CNOT10: variants seen among roughly 807,000 people sequenced by gnomAD.
The protein encoded by CNOT10 is CCR4-NOT transcription complex, subunit 10.
In CNOT10, 30 loss-of-function variants were observed where a neutral mutation model predicts 94.6. The ratio of observed to expected loss-of-function variants is 0.32; its 90% CI spans 0.24 to 0.43. The LOEUF is 0.43. Among genes scored for constraint, CNOT10 ranks in the 20% least tolerant of loss-of-function variants. CNOT10 has a pLI of 1.00. For missense variants in CNOT10, 759 were observed against 877.2 expected, an observed-to-expected ratio of 0.87 and a Z score of 1.70; for synonymous variants, 289 against 301.6, an observed-to-expected ratio of 0.96 and a Z score of 0.43.
intron 9 of CNOT10, among the ~76,000 whole-genome samples, chr3:32,726,564 C>A (rs916051065): frequency 2.0e-5 from 3 of 151,674 alleles, no homozygotes; most frequent in South Asian, 2.1e-4. Context: ...AGCATGGTGG[C>A]AGGCGCCTGT....
Position 32,733,457 on chromosome 3 carries a change from A to G in CNOT10, c.1250A>G (p.Lys417Arg). The G allele has an allele frequency of 1.2e-6, 2 of 1,600,106 alleles. No homozygotes were observed. The highest frequency in any genetic ancestry group is 1.7e-6 in the Non-Finnish European group (2 of 1,171,720). ...CAAGAAACTAAAGGCCTTCCCAGCAAAAAAGGAATTGTACAGTCTATTGTT... is the reference window on the plus strand; with the variant it reads ...CAAGAAACTAAAGGCCTTCCCAGCAGAAAAGGAATTGTACAGTCTATTGTT... Reference protein sequence around the residue: ...SEQETKGLPSKKGIVQSIVGQ... With the variant: ...SEQETKGLPSRKGIVQSIVGQ... Residue 417 changes from lysine to arginine, a missense_variant, in exon 11 of 19, where the codon AAA (lysine) becomes AGA (arginine). Coordinates refer to ENST00000328834, the MANE Select transcript of CNOT10 (RefSeq NM_015442.3).
At chr3:32,742,054 C>G (rs1699494548) in intron 13 of CNOT10, among the ~76,000 whole-genome samples, 1 of 151,382 alleles carries the variant, frequency 6.6e-6, no homozygotes, top group Non-Finnish European at 1.5e-5. Flanking sequence ...CTCCTGGGTT[C>G]AAGCAGTTCT....
At chr3:32,703,024 G>A (rs1223533088) in intron 1 of CNOT10, among the ~76,000 whole-genome samples, 8 of 148,568 alleles carry the variant, frequency 5.4e-5, no homozygotes, top group East Asian at 2.0e-4. Flanking sequence ...CCATTCTCCC[G>A]CCTCAGTCTC....
At chr3:32,735,573 G>C (rs992208506) in intron 12 of CNOT10, among the ~76,000 whole-genome samples, 2 of 151,818 alleles carry the variant, frequency 1.3e-5, no homozygotes, top group South Asian at 2.1e-4. Flanking sequence ...TGGGCGTGGT[G>C]GTGGGCACCT....
rs1399505877 is a variant in CNOT10 at position 32,765,656 on chromosome 3, C to G, written c.2004+847C>G. ...GCAACTGGAGTGAGACCCTGTCCCC[C>G]CAAAAAAAAAAGACAAAAGAAGTAA... On this transcript the variant is annotated intron_variant, in intron 17 of 18. Coordinates refer to ENST00000328834, the MANE Select transcript of CNOT10 (RefSeq NM_015442.3). Among the ~76,000 whole-genome samples, 12 of 46,242 alleles carry G rather than the reference C, an allele frequency of 2.6e-4. 6 individuals carry two copies. The South Asian group carries it at 2.9e-3, about 11-fold the overall frequency. 30.3% of individuals were successfully genotyped at this position (46,242 alleles called of 152,430 possible). A position where few individuals can be genotyped will look rare whatever the true frequency, so the allele number is the denominator to read the frequency against.
Position 32,733,470 on chromosome 3 carries a change from A to G in CNOT10, c.1263A>G (p.Val421=), listed in dbSNP as rs1166419483. ...TKGLPSKKGI[V]QSIVGQGYHR... is the part of the protein sequence containing the mutation. The stretch of plus-strand genomic sequence containing the variant: ...GCCTTCCCAGCAAAAAAGGAATTGT[A>G]CAGTCTATTGTTGGTCAAGGCTATC... Residue 421 remains valine, a synonymous_variant, in exon 11 of 19, where the codon GTA becomes GTG. Coordinates refer to ENST00000328834, the MANE Select transcript of CNOT10 (RefSeq NM_015442.3). 1 of 1,603,280 alleles carries G rather than the reference A, an allele frequency of 6.2e-7. No homozygotes were observed. The highest frequency in any genetic ancestry group is 1.7e-5 in the Admixed American group (1 of 59,504).
chr3:32,728,928 C>T (rs903383090), intron 10 of CNOT10, among the ~76,000 whole-genome samples: 3 of 152,094 alleles, frequency 2.0e-5, no homozygotes, highest in African/African-American at 7.2e-5. Context: ...GTGAAACCCC[C>T]GTCTCTACTA....
intron 1 of CNOT10, chr3:32,695,710 C>T: frequency 6.5e-7 from 1 of 1,535,864 alleles, no homozygotes; most frequent in South Asian, 1.2e-5. Context: ...TTCATTAGGC[C>T]AGAGTAGAAG....
intron 1 of CNOT10, among the ~76,000 whole-genome samples, chr3:32,697,807 C>T (rs1697147383): frequency 6.6e-6 from 1 of 152,194 alleles, no homozygotes; most frequent in Non-Finnish European, 1.5e-5. Context: ...TTAGAGAAAA[C>T]TCAATAGCAA....
intron 8 of CNOT10, among the ~76,000 whole-genome samples, chr3:32,724,778 C>T (rs1698593807): frequency 6.6e-6 from 1 of 151,932 alleles, no homozygotes; most frequent in South Asian, 2.1e-4. Flanking sequence ...AGGCTAGTCT[C>T]GAACTCCTGA....
At chr3:32,738,254 ATC>A (rs1258269605) in intron 13 of CNOT10, among the ~76,000 whole-genome samples, 1 of 152,066 alleles carries the variant, frequency 6.6e-6, no homozygotes, top group Non-Finnish European at 1.5e-5. Flanking sequence ...TGACAAAATA[ATC>A]TGTACAACAA....
chr3:32,716,571 T>C (rs1174622263), intron 6 of CNOT10, among the ~76,000 whole-genome samples: 1 of 152,202 alleles, frequency 6.6e-6, no homozygotes, highest in Non-Finnish European at 1.5e-5. Context: ...TAAAATCAAC[T>C]GGAATTTTAA....
chr3:32,724,111 A>T (rs1698542322), intron 8 of CNOT10, among the ~76,000 whole-genome samples: 1 of 152,082 alleles, frequency 6.6e-6, no homozygotes, highest in Non-Finnish European at 1.5e-5. Context: ...CGGGTGAAAG[A>T]CAAGAGGCAA....
At position 32,737,498 on chromosome 3, in the gene CNOT10, T is replaced by C. The variant is rs370862894; in HGVS notation, c.1595+8T>C. On this transcript the variant is annotated splice_region_variant and intron_variant, in intron 13 of 18. Transcript: ENST00000328834. ...GGAATTAGAAAACTTAAAGTGAGTA[T>C]CTAAACAAAATTAGCATTGCATCTA... The C allele has an allele frequency of 1.0e-3, 1,623 of 1,559,410 alleles. 3 individuals carry two copies. The highest frequency in any genetic ancestry group is 1.2e-3 in the Non-Finnish European group (1,388 of 1,131,694).
At chr3:32,750,580 T>A (rs62251884) in intron 13 of CNOT10, among the ~76,000 whole-genome samples, 1,791 of 151,862 alleles carry the variant, frequency 0.012, 11 homozygotes, top group Middle Eastern at 0.021. Flanking sequence ...TGAGACAGAG[T>A]CTCACTCTGT....
At chr3:32,745,125 C>G (rs1699636595) in intron 13 of CNOT10, among the ~76,000 whole-genome samples, 1 of 152,084 alleles carries the variant, frequency 6.6e-6, no homozygotes, top group Non-Finnish European at 1.5e-5. Context: ...GCGATCCGCC[C>G]ATCTTGGCCT....
At chr3:32,764,120 T>C in intron 15 of CNOT10, 1 of 226,548 alleles carries the variant, frequency 4.4e-6, no homozygotes, top group African/African-American at 2.4e-5. Context: ...AGAGCAAAAC[T>C]CCATCTCCAA....
At chr3:32,701,607 T>G (rs950567775) in intron 1 of CNOT10, among the ~76,000 whole-genome samples, 1 of 152,114 alleles carries the variant, frequency 6.6e-6, no homozygotes, top group Non-Finnish European at 1.5e-5. Flanking sequence ...TATTTAAAAG[T>G]GTGTAGCACC....
Position 32,755,170 on chromosome 3 carries a change from C to T in CNOT10, c.1596-4288C>T, listed in dbSNP as rs190877190. 3.9e-3 allele frequency among the ~76,000 whole-genome samples: 590 copies of T among 150,816 alleles called. 5 individuals are homozygous for T. The highest frequency in any genetic ancestry group is 0.014 in the African/African-American group (561 of 41,202). The stretch of plus-strand genomic sequence containing the variant: ...CTGAGACAGGAGAATCACTTGCAAC[C>T]GGGAAGTGGAGGTTGTGGTGAGCAG... On this transcript the variant is annotated intron_variant, in intron 13 of 18. Coordinates refer to ENST00000328834, the MANE Select transcript of CNOT10 (RefSeq NM_015442.3).
Sources: gnomAD v4.1 joint callset for allele counts (sites outside exome capture counted in the v4.1 genomes callset) on GRCh38, gnomAD v4.1.1 for gene constraint, MANE v1.5 for transcripts, NCBI Gene and HGNC (gene_info 2026-07-23, HGNC 2026-07-21) for gene names.